Variants in MARCHF1 observed in about 807,000 individuals in gnomAD.
MARCHF1 encodes the protein E3 ubiquitin-protein ligase MARCHF1.
Under a neutral mutation model 54.2 loss-of-function variants are expected in MARCHF1, and 40 were observed. The observed-to-expected ratio is 0.74, with a 90% CI of 0.57 to 0.96. MARCHF1 has a LOEUF of 0.96. Ranked by LOEUF, MARCHF1 falls within the 40% of genes least tolerant of loss-of-function variation. The pLI, the probability that MARCHF1 is intolerant of heterozygous loss-of-function variation, is 0.00. For missense variants in MARCHF1, 586 were observed against 656.5 expected (o/e 0.89, Z 1.17); for synonymous variants, 236 against 236.3 (o/e 1.00, Z 0.01).
chr4:164,203,178 A>G (rs1376626121), intron 1 of MARCHF1, among the ~76,000 whole-genome samples: 1 of 152,282 alleles, frequency 6.6e-6, no homozygotes, highest in Admixed American at 6.5e-5. Context: ...CACATTTTAA[A>G]CATTGGCAGA....
intron 4 of MARCHF1, among the ~76,000 whole-genome samples, chr4:163,767,429 G>T (rs1747015008): frequency 6.6e-6 from 1 of 151,912 alleles, no homozygotes. Flanking sequence ...CCCCTCCTGG[G>T]TTCACGCCAT....
intron 4 of MARCHF1, among the ~76,000 whole-genome samples, chr4:163,814,318 C>T (rs996573551): frequency 6.6e-6 from 1 of 152,194 alleles, no homozygotes; most frequent in Non-Finnish European, 1.5e-5. Flanking sequence ...CTTTCAAACT[C>T]TCTTTTCTCA....
chr4:164,307,331 G>A (rs1734722655), intron 1 of MARCHF1, among the ~76,000 whole-genome samples: 1 of 152,208 alleles, frequency 6.6e-6, no homozygotes, highest in Non-Finnish European at 1.5e-5. Flanking sequence ...AATCATTTCT[G>A]ATGCATTAAA....
At chr4:164,035,462 G>A (rs1415369195) in intron 2 of MARCHF1, among the ~76,000 whole-genome samples, 1 of 149,948 alleles carries the variant, frequency 6.7e-6, no homozygotes, top group African/African-American at 2.4e-5. Context: ...GACTATCTCA[G>A]CTTTTAGAAA....
At chr4:164,255,296 C>CA (rs1387702094) in intron 1 of MARCHF1, among the ~76,000 whole-genome samples, 2 of 142,440 alleles carry the variant, frequency 1.4e-5, no homozygotes, top group Non-Finnish European at 3.1e-5. Context: ...AAATCAGAAA[C>CA]AAAAAATAAA....
chr4:164,060,346 A>T (rs1262595887), intron 2 of MARCHF1, among the ~76,000 whole-genome samples: 1 of 152,116 alleles, frequency 6.6e-6, no homozygotes, highest in East Asian at 1.9e-4. Flanking sequence ...CATGTAAAAG[A>T]CATATTGTAG....
chr4:164,089,197 T>G lies in MARCHF1; in HGVS notation c.-248+22391A>C, dbSNP rs144064144. On this transcript the variant is annotated intron_variant, in intron 2 of 9. Coordinates refer to ENST00000514618, the MANE Select transcript of MARCHF1 (RefSeq NM_001394959.1). ...AAAGAATACACTAAATAACAAAATA[T>G]GACATTGAATATTGTCATGAAAATA... is the stretch of plus-strand genomic sequence containing the variant. Among the ~76,000 whole-genome samples, 362 of 152,224 alleles carry G rather than the reference T, an allele frequency of 2.4e-3. 3 individuals are homozygous for G. The highest frequency in any genetic ancestry group is 8.0e-3 in the African/African-American group (334 of 41,556).
chr4:164,228,516 A>C (rs535207199), intron 1 of MARCHF1, among the ~76,000 whole-genome samples: 1 of 152,328 alleles, frequency 6.6e-6, no homozygotes, highest in African/African-American at 2.4e-5. Flanking sequence ...AAACAGCATA[A>C]GAATTAATGA....
At chr4:163,842,989 T>C (rs2111136659) in intron 4 of MARCHF1, among the ~76,000 whole-genome samples, 1 of 152,138 alleles carries the variant, frequency 6.6e-6, no homozygotes, top group East Asian at 1.9e-4. Flanking sequence ...GTGCAATAGG[T>C]AGTTTTTCAA....
chr4:164,013,394 A>T (rs1753467081), intron 2 of MARCHF1, among the ~76,000 whole-genome samples: 1 of 152,104 alleles, frequency 6.6e-6, no homozygotes, highest in African/African-American at 2.4e-5. Flanking sequence ...AAGAATGCCT[A>T]AAAAAATCTA....
intron 2 of MARCHF1, among the ~76,000 whole-genome samples, chr4:164,021,079 CTTTTT>C (rs58872172): frequency 0.46 from 65,637 of 141,612 alleles, 16,183 homozygotes; most frequent in Non-Finnish European, 0.56. Context: ...ATTTCTGTCC[CTTTTT>C]TTTTTTTTTT....
chr4:163,953,027 T>C (rs114432654), intron 3 of MARCHF1, among the ~76,000 whole-genome samples: 1,981 of 152,226 alleles, frequency 0.013, 37 homozygotes, highest in African/African-American at 0.043. Flanking sequence ...GTCATGTCCA[T>C]TGGAAATTCA....
chr4:163,697,895 G>A (rs1270379825), intron 5 of MARCHF1, among the ~76,000 whole-genome samples: 1 of 152,066 alleles, frequency 6.6e-6, no homozygotes, highest in Non-Finnish European at 1.5e-5. Context: ...ATTACACCTA[G>A]AAAACATTGC....
In MARCHF1 at chr4:164,176,939, G is replaced by GCA. The variant is rs1491410602; in HGVS notation, c.-322-65278_-322-65277insTG. Among the ~76,000 whole-genome samples the GCA allele has an allele frequency of 3.2e-3, 171 of 53,596 alleles. 3 individuals carry two copies. Among genetic ancestry groups the GCA allele is most frequent in the African/African-American group, 0.01 (164 of 16,286 alleles). The allele number at this position is 53,596 out of a possible 152,430, so 35.2% of individuals were successfully genotyped here. A position where few individuals can be genotyped will look rare whatever the true frequency, so the allele number is the denominator to read the frequency against. On this transcript the variant is annotated intron_variant, in intron 1 of 9. Coordinates refer to ENST00000514618, the MANE Select transcript of MARCHF1 (RefSeq NM_001394959.1). ...TTTGTTATTTATCTGAGTACCTTGTGCGCTCTCTCTCTCTCTCTCTCTCTC... is the reference window on the plus strand; with the variant it reads ...TTTGTTATTTATCTGAGTACCTTGTGCACGCTCTCTCTCTCTCTCTCTCTCTC...
chr4:164,194,095 G>C (rs75306659), intron 1 of MARCHF1, among the ~76,000 whole-genome samples: 3,646 of 152,190 alleles, frequency 0.024, 141 homozygotes, highest in African/African-American at 0.082. Flanking sequence ...CTGAGGTAGA[G>C]ACACAATAAG....
rs560856602 is a variant in MARCHF1, at chr4:164,028,954, C to A, written c.-247-40245G>T. ...TTGAATTTTACCTTCTTTGTATTGA[C>A]TCATAGTAACTTTACAAAGTGATAT... On this transcript the variant is annotated intron_variant, in intron 2 of 9. Coordinates refer to ENST00000514618, the MANE Select transcript of MARCHF1 (RefSeq NM_001394959.1). Among the ~76,000 whole-genome samples, 3 of 152,210 alleles carry A rather than the reference C, an allele frequency of 2.0e-5. No homozygotes were observed. The East Asian group carries it at 5.8e-4, about 29-fold the overall frequency.
intron 2 of MARCHF1, among the ~76,000 whole-genome samples, chr4:164,080,692 G>A (rs984132318): frequency 2.0e-5 from 3 of 151,222 alleles, no homozygotes; most frequent in South Asian, 2.1e-4. Flanking sequence ...ATATGTGTGT[G>A]TATATATATA....
chr4:163,832,859 C>T (rs953716863), intron 4 of MARCHF1, among the ~76,000 whole-genome samples: 5 of 150,194 alleles, frequency 3.3e-5, no homozygotes, highest in East Asian at 3.9e-4. Flanking sequence ...TTTGTCCTTG[C>T]GATAGTTTGC....
At chr4:163,568,039 C>T (rs1001863302) in intron 8 of MARCHF1, among the ~76,000 whole-genome samples, 9 of 152,138 alleles carry the variant, frequency 5.9e-5, no homozygotes, top group South Asian at 4.1e-4. Context: ...TTGCTATTGA[C>T]GGCTCATTAA....
Sources: gnomAD v4.1 joint callset for allele counts (sites outside exome capture counted in the v4.1 genomes callset) on GRCh38, gnomAD v4.1.1 for gene constraint, MANE v1.5 for transcripts, NCBI Gene and HGNC (gene_info 2026-07-23, HGNC 2026-07-21) for gene names.